Variants in EPB41L5 observed in about 807,000 individuals in gnomAD.
The protein encoded by EPB41L5 is band 4.1-like protein 5.
In EPB41L5, 55 loss-of-function variants were observed where a neutral mutation model predicts 106.6. The observed-to-expected ratio is 0.52, with a 90% CI of 0.42 to 0.65. EPB41L5 has a LOEUF of 0.65. Among genes scored for constraint, EPB41L5 ranks in the 30% least tolerant of loss-of-function variants. The probability of loss-of-function intolerance (pLI) is 0.00; values close to 1 mark genes in which losing one functional copy is unlikely to be tolerated. For synonymous variants in EPB41L5, 297 were observed against 306.7 expected (o/e 0.97, Z 0.33); for missense variants, 871 against 882.1 (o/e 0.99, Z 0.16).
intron 20 of EPB41L5, among the ~76,000 whole-genome samples, chr2:120,150,088 G>A (rs1393248711): frequency 2.0e-5 from 3 of 151,920 alleles, no homozygotes; most frequent in African/African-American, 7.3e-5. Flanking sequence ...GAGAGACAAG[G>A]TGTCACTGTG....
chr2:120,077,334 A>T lies in EPB41L5; in HGVS notation c.714+18A>T. On this transcript the variant is annotated intron_variant, in intron 9 of 24. Transcript: ENST00000263713. ...TGGTCAAGGTAAGCATTGTGTTGTG[A>T]TGCTTTTTTAAAAATTTATTCTTTG... 1 of 1,591,972 alleles carries T rather than the reference A, an allele frequency of 6.3e-7. No homozygotes were observed. Among genetic ancestry groups the T allele is most frequent in the Non-Finnish European group, 8.6e-7 (1 of 1,168,374 alleles).
chr2:120,115,420 T>C (rs919939005), intron 16 of EPB41L5, among the ~76,000 whole-genome samples: 1 of 152,272 alleles, frequency 6.6e-6, no homozygotes, highest in Admixed American at 6.5e-5. Context: ...TTATTTGTTT[T>C]TTGAGACGGA....
At chr2:120,100,600 A>T in intron 15 of EPB41L5, 99 bp from the exon 16 acceptor site, 1 of 847,216 alleles carries the variant, frequency 1.2e-6, no homozygotes, top group Non-Finnish European at 2.0e-6. Context: ...TATACATTTT[A>T]ATTGTTGGCT....
At chr2:120,049,543 G>C (rs1369101713) in intron 3 of EPB41L5, among the ~76,000 whole-genome samples, 2 of 151,358 alleles carry the variant, frequency 1.3e-5, no homozygotes, top group East Asian at 3.9e-4. Flanking sequence ...CCTTTATTTT[G>C]AGCCTATGGA....
At chr2:120,015,572 T>C (rs1574454882) in intron 1 of EPB41L5, among the ~76,000 whole-genome samples, 1 of 152,284 alleles carries the variant, frequency 6.6e-6, no homozygotes, top group East Asian at 1.9e-4. Context: ...AGGATGAAAC[T>C]CTCTTCAGTG....
chr2:120,089,150 C>T (rs1278746061), intron 11 of EPB41L5, among the ~76,000 whole-genome samples: 1 of 152,048 alleles, frequency 6.6e-6, no homozygotes, highest in Non-Finnish European at 1.5e-5. Context: ...TCCATCTTTA[C>T]TGTCTTAATA....
At chr2:120,122,490 G>A (rs1401964667) in intron 16 of EPB41L5, among the ~76,000 whole-genome samples, 1 of 152,160 alleles carries the variant, frequency 6.6e-6, no homozygotes, top group East Asian at 1.9e-4. Flanking sequence ...GGTTGTAGAT[G>A]TGTGGTGTTA....
chr2:120,032,289 A>T (rs1678764869), intron 2 of EPB41L5, among the ~76,000 whole-genome samples: 1 of 152,118 alleles, frequency 6.6e-6, no homozygotes. Flanking sequence ...GAGGCAGGAG[A>T]ATTGCTTGAA....
intron 18 of EPB41L5, among the ~76,000 whole-genome samples, chr2:120,137,357 A>G (rs951386172): frequency 2.0e-5 from 3 of 152,110 alleles, no homozygotes; most frequent in Non-Finnish European, 2.9e-5. Flanking sequence ...GAAAAGAAAT[A>G]ATAAAGATCA....
intron 16 of EPB41L5, among the ~76,000 whole-genome samples, chr2:120,122,251 A>G (rs961400502): frequency 6.6e-6 from 1 of 152,152 alleles, no homozygotes; most frequent in Non-Finnish European, 1.5e-5. Flanking sequence ...TTCCTTGCCC[A>G]TGCCTATATT....
intron 18 of EPB41L5, among the ~76,000 whole-genome samples, chr2:120,140,674 A>G (rs1010039261): frequency 3.3e-5 from 5 of 152,040 alleles, no homozygotes; most frequent in Non-Finnish European, 4.4e-5. Context: ...CGTATTTGGA[A>G]TGCTCAACCA....
At chr2:120,083,992 G>A (rs971411515) in intron 10 of EPB41L5, among the ~76,000 whole-genome samples, 16 of 152,064 alleles carry the variant, frequency 1.1e-4, no homozygotes, top group Non-Finnish European at 2.1e-4. Context: ...GCCTATGTGT[G>A]TCTCTGCACG....
At chr2:120,132,581 C>A (rs1269975271) in intron 18 of EPB41L5, among the ~76,000 whole-genome samples, 3 of 152,168 alleles carry the variant, frequency 2.0e-5, no homozygotes, top group Non-Finnish European at 2.9e-5. Flanking sequence ...GCCTTTTTTT[C>A]CCCTTTCTTT....
At chr2:120,153,541 A>G (rs1041981880) in intron 20 of EPB41L5, among the ~76,000 whole-genome samples, 1 of 152,050 alleles carries the variant, frequency 6.6e-6, no homozygotes, top group Non-Finnish European at 1.5e-5. Context: ...TTCCTTATTG[A>G]TCTTTTCTCT....
At chr2:120,077,208 A>C (rs370001381) in intron 8 of EPB41L5, 21 bp from the exon 9 acceptor site, 12 of 1,595,622 alleles carry the variant, frequency 7.5e-6, no homozygotes, top group African/African-American at 1.4e-5. Flanking sequence ...TTACTTTAAA[A>C]ATCATTGTTT....
rs189171718 is a variant in EPB41L5 at position 120,076,502 on chromosome 2, C to T, written c.506-469C>T. Among the ~76,000 whole-genome samples the T allele has an allele frequency of 3.0e-3, 302 of 100,342 alleles. 1 individual carries two copies. The highest frequency in any genetic ancestry group is 0.011 in the African/African-American group (287 of 26,440). 65.8% of individuals were successfully genotyped at this position (100,342 alleles called of 152,430 possible). On this transcript the variant is annotated intron_variant, in intron 7 of 24. Transcript: ENST00000263713. ...TTTTTTTTTTTTTTTTTTTTAGAGA[C>T]GAGGTCTTGCTATGTTGCCTAGACT...
chr2:120,091,416 G>C (rs563177467), intron 12 of EPB41L5, 139 bp from the exon 13 acceptor site: 1 of 607,438 alleles, frequency 1.6e-6, no homozygotes, highest in Admixed American at 3.2e-5. Context: ...GAGAGAGATC[G>C]AGACTATTAG....
chr2:120,110,259 C>T (rs1444922995), intron 16 of EPB41L5, among the ~76,000 whole-genome samples: 3 of 152,140 alleles, frequency 2.0e-5, no homozygotes, highest in African/African-American at 7.2e-5. Flanking sequence ...TGTCTTCTAA[C>T]CTCCCTTCTA....
chr2:120,085,496 G>A (rs577565453), intron 10 of EPB41L5, among the ~76,000 whole-genome samples: 10 of 152,208 alleles, frequency 6.6e-5, no homozygotes, highest in African/African-American at 2.2e-4. Flanking sequence ...GTACCCAGCC[G>A]TGTGAGATGT....
Sources: allele counts gnomAD v4.1 joint callset (sites outside exome capture counted in the v4.1 genomes callset), GRCh38; gene constraint gnomAD v4.1.1; transcripts MANE v1.5; gene names NCBI Gene and HGNC (gene_info 2026-07-23, HGNC 2026-07-21).